TAS2R1: variants seen among roughly 807,000 people sequenced by gnomAD.
TAS2R1 encodes the protein taste 2 receptor member 1, also known as taste receptor type 2 member 1.
For synonymous variants in TAS2R1, 141 were observed against 134.2 expected, an observed-to-expected ratio of 1.05 and a Z score of -0.35; for missense variants, 370 against 353.4, an observed-to-expected ratio of 1.05 and a Z score of -0.38.
At chr5:9,725,405 A>T in the TAS2R1 span, among the ~76,000 whole-genome samples, 1 of 152,182 alleles carries the variant, frequency 6.6e-6, no homozygotes, top group East Asian at 1.9e-4. Context: ...CACTTGGAGC[A>T]GCCGGCTGGC....
At chr5:9,663,933 C>T (rs918788862) in intron 1 of TAS2R1, among the ~76,000 whole-genome samples, 9 of 152,168 alleles carry the variant, frequency 5.9e-5, no homozygotes, top group Non-Finnish European at 1.2e-4. Context: ...CAATTGCCCA[C>T]GGCTCCCAGA....
chr5:9,735,071 G>A, the TAS2R1 span, among the ~76,000 whole-genome samples: 8 of 151,380 alleles, frequency 5.3e-5, 1 homozygote, highest in African/African-American at 2.0e-4. Flanking sequence ...AAGCAGGCGC[G>A]TCTTCACGTG....
the TAS2R1 span, among the ~76,000 whole-genome samples, chr5:9,873,742 A>C: frequency 6.6e-6 from 1 of 151,806 alleles, no homozygotes; most frequent in Non-Finnish European, 1.5e-5. Flanking sequence ...GGTGGCCTGC[A>C]CTTGTAGTCC....
the TAS2R1 span, among the ~76,000 whole-genome samples, chr5:9,850,052 A>C: frequency 6.6e-5 from 10 of 152,306 alleles, no homozygotes; most frequent in African/African-American, 2.4e-4. Flanking sequence ...ATCTGACATG[A>C]AAGTCCCTCA....
At chr5:9,733,493 C>A in the TAS2R1 span, among the ~76,000 whole-genome samples, 1 of 152,198 alleles carries the variant, frequency 6.6e-6, no homozygotes, top group Non-Finnish European at 1.5e-5. Flanking sequence ...GTTAATGGGT[C>A]TGAAACCAGT....
At chr5:9,688,615 C>T (rs1289458195) in intron 1 of TAS2R1, among the ~76,000 whole-genome samples, 1 of 152,156 alleles carries the variant, frequency 6.6e-6, no homozygotes, top group African/African-American at 2.4e-5. Flanking sequence ...TTTCTGCTCT[C>T]TTTTTGTCAT....
the TAS2R1 span, among the ~76,000 whole-genome samples, chr5:9,875,163 C>T: frequency 1.4e-3 from 217 of 152,270 alleles, 2 homozygotes; most frequent in African/African-American, 5.1e-3. Flanking sequence ...TTTCCCTCCT[C>T]CATTTGATTG....
chr5:9,810,539 G>A, the TAS2R1 span, among the ~76,000 whole-genome samples: 1 of 152,144 alleles, frequency 6.6e-6, no homozygotes, highest in Non-Finnish European at 1.5e-5. Context: ...TGGGCCATGA[G>A]GAGTAAGAAG....
At chr5:9,710,274 A>G (rs945786041) in intron 1 of TAS2R1, among the ~76,000 whole-genome samples, 3 of 151,724 alleles carry the variant, frequency 2.0e-5, no homozygotes, top group African/African-American at 7.3e-5. Flanking sequence ...ATGCTCTCCA[A>G]CTTATCGAGT....
chr5:9,900,018 A>G, the TAS2R1 span, among the ~76,000 whole-genome samples: 1 of 152,300 alleles, frequency 6.6e-6, no homozygotes, highest in East Asian at 1.9e-4. Context: ...AAATGCCCAA[A>G]AGTGCATTCG....
the TAS2R1 span, among the ~76,000 whole-genome samples, chr5:9,815,863 C>T: frequency 6.6e-6 from 1 of 152,154 alleles, no homozygotes; most frequent in East Asian, 1.9e-4. Context: ...TATAACTCCA[C>T]CAGCTTTGGA....
the TAS2R1 span, among the ~76,000 whole-genome samples, chr5:9,737,695 T>A: frequency 6.6e-6 from 1 of 152,202 alleles, no homozygotes; most frequent in Non-Finnish European, 1.5e-5. Flanking sequence ...ATGCTGTGGA[T>A]GTGGAGCTGA....
intron 2 of TAS2R1, among the ~76,000 whole-genome samples, chr5:9,653,524 C>T (rs1387196387): frequency 3.3e-5 from 5 of 152,176 alleles, no homozygotes; most frequent in African/African-American, 4.8e-5. Context: ...TTTTTGAGTG[C>T]AAATCCAGAA....
the TAS2R1 span, among the ~76,000 whole-genome samples, chr5:9,835,536 T>C: frequency 2.0e-5 from 3 of 152,346 alleles, no homozygotes; most frequent in East Asian, 5.8e-4. Context: ...ATAGAGCCAA[T>C]TCTGAAAGAA....
the TAS2R1 span, among the ~76,000 whole-genome samples, chr5:9,841,962 G>A: frequency 1.6e-4 from 25 of 152,282 alleles, no homozygotes; most frequent in South Asian, 1.9e-3. Flanking sequence ...TCATGTGCTC[G>A]CTGAGCCATA....
the TAS2R1 span, among the ~76,000 whole-genome samples, chr5:9,895,049 C>G: frequency 6.6e-6 from 1 of 152,176 alleles, no homozygotes; most frequent in Non-Finnish European, 1.5e-5. Flanking sequence ...CTGCAACTGA[C>G]AAAGAACTGT....
At chr5:9,822,430 G>A in the TAS2R1 span, among the ~76,000 whole-genome samples, 2 of 142,394 alleles carry the variant, frequency 1.4e-5, no homozygotes, top group Non-Finnish European at 3.0e-5. Flanking sequence ...GCTCACTGCT[G>A]CCTCCACCTC....
chr5:9,799,141 G>A, the TAS2R1 span, among the ~76,000 whole-genome samples: 1 of 152,170 alleles, frequency 6.6e-6, no homozygotes, highest in Non-Finnish European at 1.5e-5. Context: ...TTGTCACTAG[G>A]TGGGAAGAAA....
At chr5:9,699,997 T>C (rs1376070929) in intron 1 of TAS2R1, among the ~76,000 whole-genome samples, 2 of 152,128 alleles carry the variant, frequency 1.3e-5, no homozygotes, top group Non-Finnish European at 2.9e-5. Flanking sequence ...AAGTATCCCA[T>C]AATTTATCAG....
Sources: gnomAD v4.1 joint callset for allele counts (sites outside exome capture counted in the v4.1 genomes callset) on GRCh38, gnomAD v4.1.1 for gene constraint, MANE v1.5 for transcripts, NCBI Gene and HGNC (gene_info 2026-07-23, HGNC 2026-07-21) for gene names.